Variants in FBXL7 observed in about 807,000 individuals in gnomAD.
FBXL7 encodes F-box/LRR-repeat protein 7.
Under a neutral mutation model 38.3 loss-of-function variants are expected in FBXL7, and 12 were observed. The observed-to-expected ratio is 0.31, with a 90% CI of 0.20 to 0.51. FBXL7 has a LOEUF of 0.51. Ranked by LOEUF, FBXL7 falls within the 20% of genes least tolerant of loss-of-function variation. FBXL7 has a pLI of 0.98. For synonymous variants in FBXL7, 297 were observed against 300.9 expected, an observed-to-expected ratio of 0.99 and a Z score of 0.13; for missense variants, 567 against 676.4, an observed-to-expected ratio of 0.84 and a Z score of 1.79.
chr5:15,553,766 G>A (rs77489428), intron 1 of FBXL7, among the ~76,000 whole-genome samples: 3,786 of 152,320 alleles, frequency 0.025, 76 homozygotes, highest in South Asian at 0.038. Context: ...GCAAGGGTAG[G>A]AATTATAGCT....
intron 1 of FBXL7, among the ~76,000 whole-genome samples, chr5:15,583,588 G>A (rs918838517): frequency 6.6e-6 from 1 of 152,214 alleles, no homozygotes; most frequent in Admixed American, 6.5e-5. Flanking sequence ...CAGCAGGGGA[G>A]TCATTAAATC....
At chr5:15,790,045 A>G (rs980242952) in intron 2 of FBXL7, among the ~76,000 whole-genome samples, 3 of 152,120 alleles carry the variant, frequency 2.0e-5, no homozygotes, top group African/African-American at 7.2e-5. Context: ...AAAACCTCCA[A>G]AATCATTTCC....
At chr5:15,588,010 C>A (rs1165246379) in intron 1 of FBXL7, among the ~76,000 whole-genome samples, 1 of 152,174 alleles carries the variant, frequency 6.6e-6, no homozygotes, top group Non-Finnish European at 1.5e-5. Context: ...CAAAACCTCA[C>A]TGTTATGCCA....
intron 2 of FBXL7, among the ~76,000 whole-genome samples, chr5:15,846,523 G>A (rs544704357): frequency 1.9e-4 from 29 of 152,220 alleles, no homozygotes; most frequent in African/African-American, 6.7e-4. Context: ...AAGGGTAGGG[G>A]GACTTTTATA....
intron 2 of FBXL7, among the ~76,000 whole-genome samples, chr5:15,766,293 G>C (rs1736589792): frequency 6.6e-6 from 1 of 152,132 alleles, no homozygotes; most frequent in African/African-American, 2.4e-5. Context: ...TTAAGCATGA[G>C]TTATACCCAC....
At chr5:15,750,029 T>C (rs1026504397) in intron 2 of FBXL7, among the ~76,000 whole-genome samples, 1 of 152,210 alleles carries the variant, frequency 6.6e-6, no homozygotes, top group African/African-American at 2.4e-5. Flanking sequence ...AGACTTATGC[T>C]TCAGCCTGGC....
At chr5:15,769,227 A>G (rs1188118247) in intron 2 of FBXL7, among the ~76,000 whole-genome samples, 1 of 152,232 alleles carries the variant, frequency 6.6e-6, no homozygotes, top group Non-Finnish European at 1.5e-5. Context: ...TCTATTCTGC[A>G]TTGGAATCCT....
intron 2 of FBXL7, among the ~76,000 whole-genome samples, chr5:15,674,022 GA>G (rs887777871): frequency 2.6e-5 from 4 of 152,190 alleles, no homozygotes; most frequent in Non-Finnish European, 4.4e-5. Context: ...GTTATAGAGG[GA>G]AAACTAAGTA....
intron 2 of FBXL7, among the ~76,000 whole-genome samples, chr5:15,690,210 A>T (rs1307868839): frequency 6.6e-6 from 1 of 152,160 alleles, no homozygotes; most frequent in African/African-American, 2.4e-5. Context: ...AACTTTCAAA[A>T]CTCAGCAGTT....
intron 1 of FBXL7, among the ~76,000 whole-genome samples, chr5:15,539,724 C>CT (rs112753208): frequency 7.9e-5 from 12 of 151,058 alleles, no homozygotes; most frequent in East Asian, 1.9e-4. Flanking sequence ...ATCTCCTAGG[C>CT]TTTTTTTTTC....
intron 1 of FBXL7, among the ~76,000 whole-genome samples, chr5:15,552,273 T>A (rs1258400053): frequency 6.6e-6 from 1 of 152,196 alleles, no homozygotes; most frequent in Non-Finnish European, 1.5e-5. Context: ...CTCTGGTCCA[T>A]GACACAACAG....
At chr5:15,675,162 C>T (rs1391468977) in intron 2 of FBXL7, among the ~76,000 whole-genome samples, 1 of 152,232 alleles carries the variant, frequency 6.6e-6, no homozygotes, top group Non-Finnish European at 1.5e-5. Flanking sequence ...AGCCAAAATA[C>T]ACTTTATCTT....
intron 2 of FBXL7, among the ~76,000 whole-genome samples, chr5:15,641,980 TGTGTGTC>T (rs1741381919): frequency 2.1e-5 from 3 of 146,022 alleles, no homozygotes; most frequent in Non-Finnish European, 4.5e-5. Flanking sequence ...TGTGTGTGTG[TGTGTGTC>T]CTATTGGTTC....
At chr5:15,868,964 T>A (rs542429426) in intron 2 of FBXL7, among the ~76,000 whole-genome samples, 2 of 152,160 alleles carry the variant, frequency 1.3e-5, no homozygotes, top group African/African-American at 4.8e-5. Context: ...CAATACGTAC[T>A]TACTCTCTCA....
chr5:15,526,520 A>T (rs1737254702), intron 1 of FBXL7, among the ~76,000 whole-genome samples: 1 of 152,206 alleles, frequency 6.6e-6, no homozygotes, highest in Non-Finnish European at 1.5e-5. Flanking sequence ...CCATTTAATC[A>T]GTGTAAAACA....
At chr5:15,854,414 G>T (rs1739192731) in intron 2 of FBXL7, among the ~76,000 whole-genome samples, 2 of 152,152 alleles carry the variant, frequency 1.3e-5, no homozygotes, top group Admixed American at 1.3e-4. Context: ...TCTGAAGTCT[G>T]TCTGGGTAAT....
intron 2 of FBXL7, among the ~76,000 whole-genome samples, chr5:15,794,217 C>T (rs1737356139): frequency 6.6e-6 from 1 of 152,164 alleles, no homozygotes. Flanking sequence ...CTCCAGAATG[C>T]CTTTCTGTAC....
intron 2 of FBXL7, among the ~76,000 whole-genome samples, chr5:15,890,562 T>G (rs749803563): frequency 1.3e-5 from 2 of 152,050 alleles, no homozygotes; most frequent in African/African-American, 2.4e-5. Flanking sequence ...CTTACAGGAG[T>G]GCAAGCCCTA....
chr5:15,665,822 C>T (rs972715010), intron 2 of FBXL7, among the ~76,000 whole-genome samples: 4 of 152,102 alleles, frequency 2.6e-5, no homozygotes, highest in African/African-American at 7.2e-5. Flanking sequence ...ATTGCTAAGC[C>T]ATTTGTTCCC....
Sources: allele counts gnomAD v4.1 joint callset (sites outside exome capture counted in the v4.1 genomes callset), GRCh38; gene constraint gnomAD v4.1.1; transcripts MANE v1.5; gene names NCBI Gene and HGNC (gene_info 2026-07-23, HGNC 2026-07-21).